Variants in CADM2 observed in about 807,000 individuals in gnomAD.
CADM2 encodes cell adhesion molecule 2, also known as immunoglobulin superfamily member 4D.
Under a neutral mutation model 49.8 loss-of-function variants are expected in CADM2, and 12 were observed. The observed-to-expected ratio is 0.24, with a 90% CI of 0.15 to 0.39. The LOEUF is 0.39. CADM2 is among the 10% of genes least tolerant of loss of function. The pLI is 1.00. For synonymous variants in CADM2, 214 were observed against 175.4 expected (o/e 1.22, Z -1.74); for missense variants, 378 against 492.3 (o/e 0.77, Z 2.20).
At chr3:85,400,657 T>C (rs1033677890) in intron 1 of CADM2, among the ~76,000 whole-genome samples, 2 of 152,226 alleles carry the variant, frequency 1.3e-5, no homozygotes, top group African/African-American at 4.8e-5. Flanking sequence ...GGGATTCAAC[T>C]TCTTCCTGGT....
At chr3:85,614,695 CT>C (rs1164133936) in intron 1 of CADM2, among the ~76,000 whole-genome samples, 1 of 151,754 alleles carries the variant, frequency 6.6e-6, no homozygotes, top group Non-Finnish European at 1.5e-5. Context: ...ACGTTGGCCC[CT>C]ATGTCTATAT....
chr3:85,913,396 ATTTTG>A (rs1717882122), intron 6 of CADM2, among the ~76,000 whole-genome samples: 1 of 152,190 alleles, frequency 6.6e-6, no homozygotes, highest in Non-Finnish European at 1.5e-5. Context: ...GATAATGAAG[ATTTTG>A]TTTTCTCTAT....
chr3:85,762,967 C>A (rs1379078514), intron 2 of CADM2, among the ~76,000 whole-genome samples: 1 of 151,882 alleles, frequency 6.6e-6, no homozygotes, highest in Non-Finnish European at 1.5e-5. Context: ...GCTAATATCT[C>A]TGATGATAGT....
intron 1 of CADM2, among the ~76,000 whole-genome samples, chr3:85,004,532 G>T (rs545198970): frequency 2.3e-4 from 35 of 152,152 alleles, no homozygotes; most frequent in African/African-American, 7.9e-4. Flanking sequence ...TAAAACACAG[G>T]GTGCTTCTGA....
At chr3:85,972,438 A>G (rs1937833386) in intron 8 of CADM2, among the ~76,000 whole-genome samples, 2 of 151,680 alleles carry the variant, frequency 1.3e-5, no homozygotes, top group Non-Finnish European at 2.9e-5. Context: ...ATTCTTTATC[A>G]TCCTGGGACC....
intron 1 of CADM2, among the ~76,000 whole-genome samples, chr3:85,446,462 C>T (rs1414354661): frequency 6.6e-6 from 1 of 152,080 alleles, no homozygotes; most frequent in Non-Finnish European, 1.5e-5. Context: ...CACCATTTAA[C>T]CACTGACTCT....
At chr3:85,215,991 C>T (rs962648955) in intron 1 of CADM2, among the ~76,000 whole-genome samples, 2 of 152,004 alleles carry the variant, frequency 1.3e-5, no homozygotes, top group African/African-American at 2.4e-5. Flanking sequence ...ACTGTGTTTC[C>T]TTCCCTCTTC....
chr3:85,199,370 T>TGTGTGTGAGAGAGAGAGAGAGAGAGAGA (rs1553694531), intron 1 of CADM2, among the ~76,000 whole-genome samples: 8 of 140,100 alleles, frequency 5.7e-5, no homozygotes, highest in African/African-American at 2.0e-4. Flanking sequence ...TGTGTGTGTA[T>TGTGTGTGAGAGAGAGAGAGAGAGAGAGA]GAGAGAGAGA....
intron 1 of CADM2, among the ~76,000 whole-genome samples, chr3:85,272,062 G>C (rs972567006): frequency 6.6e-6 from 1 of 150,902 alleles, no homozygotes; most frequent in Non-Finnish European, 1.5e-5. Context: ...AGAGAAAAAT[G>C]CTGGGCAGTT....
At chr3:85,834,739 G>GAAA (rs61595691) in intron 3 of CADM2, among the ~76,000 whole-genome samples, 1 of 140,452 alleles carries the variant, frequency 7.1e-6, no homozygotes. Context: ...TCTTCTTGGG[G>GAAA]AAAAAAAAAA....
Position 85,457,150 on chromosome 3 carries a change from C to T in CADM2, c.62-269372C>T, listed in dbSNP as rs575854675. On this transcript the variant is annotated intron_variant, in intron 1 of 9. Transcript: ENST00000383699. Reference sequence around the variant, plus strand: ...AAGAAAGGCCAGGAGCAGTGGCTCACGCCTGTAATCCCAGCACTTTGGGAG... The same window carrying T: ...AAGAAAGGCCAGGAGCAGTGGCTCATGCCTGTAATCCCAGCACTTTGGGAG... Among the ~76,000 whole-genome samples, 125 of 152,210 alleles carry T rather than the reference C, an allele frequency of 8.2e-4. 1 individual carries two copies. The highest frequency in any genetic ancestry group is 2.8e-3 in the African/African-American group (115 of 41,536).
chr3:85,553,761 C>T (rs2061876643), intron 1 of CADM2, among the ~76,000 whole-genome samples: 1 of 152,154 alleles, frequency 6.6e-6, no homozygotes, highest in Non-Finnish European at 1.5e-5. Context: ...GTCCCACTCA[C>T]CTAGTGATTA....
chr3:85,566,576 G>T (rs537009525), intron 1 of CADM2, among the ~76,000 whole-genome samples: 1 of 152,134 alleles, frequency 6.6e-6, no homozygotes, highest in African/African-American at 2.4e-5. Flanking sequence ...CATGATGTGT[G>T]CTAGGCTGAG....
chr3:85,901,108 T>C (rs911466361), intron 5 of CADM2, among the ~76,000 whole-genome samples: 8 of 152,152 alleles, frequency 5.3e-5, no homozygotes, highest in African/African-American at 1.9e-4. Flanking sequence ...AAAGCAGAAT[T>C]GCTTAAACTT....
At chr3:85,718,948 T>TAA (rs1259896471) in intron 1 of CADM2, among the ~76,000 whole-genome samples, 2 of 150,440 alleles carry the variant, frequency 1.3e-5, no homozygotes, top group Non-Finnish European at 3.0e-5. Context: ...AGTCTCACTC[T>TAA]GTCAGCCAGG....
At chr3:86,062,090 A>G (rs1738724617) in intron 8 of CADM2, among the ~76,000 whole-genome samples, 1 of 152,130 alleles carries the variant, frequency 6.6e-6, no homozygotes, top group African/African-American at 2.4e-5. Context: ...AATACTTTTT[A>G]GAATTTACCT....
chr3:85,313,554 A>G (rs148645813), intron 1 of CADM2, among the ~76,000 whole-genome samples: 1 of 152,272 alleles, frequency 6.6e-6, no homozygotes, highest in African/African-American at 2.4e-5. Context: ...GAGAACAAGC[A>G]TTAGTTTCCT....
At chr3:85,691,993 G>A (rs1202298649) in intron 1 of CADM2, among the ~76,000 whole-genome samples, 6 of 152,128 alleles carry the variant, frequency 3.9e-5, no homozygotes, top group Admixed American at 3.3e-4. Flanking sequence ...GAGAAGGGGG[G>A]AGGGATAGCA....
intron 1 of CADM2, among the ~76,000 whole-genome samples, chr3:85,034,814 T>A (rs1398304931): frequency 5.0e-5 from 7 of 138,974 alleles, no homozygotes; most frequent in East Asian, 2.1e-4. Context: ...TTTTTTTTTT[T>A]ACCTCCTGAG....
Sources: gnomAD v4.1 joint callset for allele counts (sites outside exome capture counted in the v4.1 genomes callset) on GRCh38, gnomAD v4.1.1 for gene constraint, MANE v1.5 for transcripts, NCBI Gene and HGNC (gene_info 2026-07-23, HGNC 2026-07-21) for gene names.